The following CTNNA2 variants were observed in gnomAD, a reference collection of about 807,000 sequenced individuals.
CTNNA2 encodes catenin alpha 2, also known as catenin alpha-2.
CTNNA2 carries 42 observed loss-of-function variants against 101.0 expected under a neutral mutation model. The observed-to-expected ratio is 0.42, with a 90% CI of 0.32 to 0.54. The LOEUF is 0.54. CTNNA2 is among the 20% of genes least tolerant of loss of function. CTNNA2 has a pLI of 0.14. For missense variants in CTNNA2, 871 were observed against 1,223.1 expected, an observed-to-expected ratio of 0.71 and a Z score of 4.29; for synonymous variants, 450 against 456.4, an observed-to-expected ratio of 0.99 and a Z score of 0.18.
intron 7 of CTNNA2, among the ~76,000 whole-genome samples, chr2:80,343,612 A>G: frequency 6.6e-6 from 1 of 152,160 alleles, no homozygotes; most frequent in Non-Finnish European, 1.5e-5. Context: ...AATTCAGGAT[A>G]AAGGGCACAA....
chr2:79,835,408 C>T (rs1199377611), intron 3 of CTNNA2, among the ~76,000 whole-genome samples: 1 of 152,080 alleles, frequency 6.6e-6, no homozygotes, highest in Non-Finnish European at 1.5e-5. Context: ...TTTTAGTCAT[C>T]GTTGAGTCTT....
rs766713487 is a variant in CTNNA2, at chr2:80,393,298, T to A, written c.1137+7T>A. ...AAGAGATCTAAGGAGACAGGTACTATTTTTTATTTTTACTTTAAGTCCATG... is the reference window on the plus strand; with the variant it reads ...AAGAGATCTAAGGAGACAGGTACTAATTTTTATTTTTACTTTAAGTCCATG... On this transcript the variant is annotated splice_region_variant and intron_variant, in intron 8 of 18. Transcript: ENST00000402739. 4.4e-6 allele frequency: 7 copies of A among 1,590,838 alleles called. No homozygotes were observed. Among genetic ancestry groups the A allele is most frequent in the Non-Finnish European group, 5.2e-6 (6 of 1,163,954 alleles).
At chr2:80,033,519 G>C (rs1240536945) in intron 7 of CTNNA2, among the ~76,000 whole-genome samples, 4 of 152,096 alleles carry the variant, frequency 2.6e-5, no homozygotes, top group African/African-American at 9.7e-5. Context: ...AGGCTGCAGT[G>C]AGTGACCCGT....
intron 7 of CTNNA2, among the ~76,000 whole-genome samples, chr2:80,176,743 T>G (rs1321075932): frequency 2.6e-5 from 4 of 152,236 alleles, no homozygotes; most frequent in African/African-American, 9.6e-5. Flanking sequence ...TGTGGAGTAG[T>G]AAACTGATTT....
intron 2 of CTNNA2, among the ~76,000 whole-genome samples, chr2:79,242,927 A>G (rs551954171): frequency 1.3e-5 from 2 of 149,912 alleles, no homozygotes; most frequent in Non-Finnish European, 3.0e-5. Context: ...TGATAACATC[A>G]CTGTACTCCA....
intron 3 of CTNNA2, among the ~76,000 whole-genome samples, chr2:79,767,711 T>C (rs1673265322): frequency 6.6e-6 from 1 of 151,918 alleles, no homozygotes; most frequent in African/African-American, 2.4e-5. Flanking sequence ...TGGCCTAGTG[T>C]GTGTCTAGAA....
At chr2:79,877,760 T>C (rs1683136543) in intron 6 of CTNNA2, among the ~76,000 whole-genome samples, 2 of 152,192 alleles carry the variant, frequency 1.3e-5, no homozygotes, top group Non-Finnish European at 2.9e-5. Flanking sequence ...GTTTAACGTC[T>C]TTGAAATGCT....
At chr2:79,234,936 T>C (rs1331230150) in intron 2 of CTNNA2, among the ~76,000 whole-genome samples, 1 of 152,166 alleles carries the variant, frequency 6.6e-6, no homozygotes, top group African/African-American at 2.4e-5. Context: ...CTGGATTGTT[T>C]TACTGGATTC....
intron 3 of CTNNA2, among the ~76,000 whole-genome samples, chr2:79,346,336 A>AT (rs1466225832): frequency 6.6e-6 from 1 of 152,086 alleles, no homozygotes; most frequent in Non-Finnish European, 1.5e-5. Flanking sequence ...CCCTGTTGCT[A>AT]TTTTGTCCTC....
intron 17 of CTNNA2, among the ~76,000 whole-genome samples, chr2:80,613,855 G>C (rs1698648214): frequency 6.6e-6 from 1 of 151,564 alleles, no homozygotes; most frequent in African/African-American, 2.4e-5. Flanking sequence ...GGATTTGATT[G>C]TGTCACCTAA....
intron 4 of CTNNA2, among the ~76,000 whole-genome samples, chr2:79,412,350 A>G (rs1393085368): frequency 4.4e-4 from 66 of 149,262 alleles, no homozygotes; most frequent in Non-Finnish European, 7.6e-4. Flanking sequence ...ACAGAAAGTT[A>G]ACAAGGATAC....
chr2:80,616,523 T>C (rs1698869147), intron 17 of CTNNA2: 1 of 151,710 alleles, frequency 6.6e-6, no homozygotes, highest in South Asian at 2.1e-4. Flanking sequence ...TAAACAACTT[T>C]TTATTAACCT....
At chr2:80,305,290 G>T in intron 7 of CTNNA2, 1 of 985,418 alleles carries the variant, frequency 1.0e-6, no homozygotes, top group Non-Finnish European at 1.2e-6. Flanking sequence ...AGCCATCCAA[G>T]TCCCGGTGGT....
intron 1 of CTNNA2, among the ~76,000 whole-genome samples, chr2:79,635,265 A>G (rs1679947295): frequency 6.6e-6 from 1 of 151,922 alleles, no homozygotes; most frequent in African/African-American, 2.4e-5. Context: ...CCCCGTCTCT[A>G]CTAAAAAATA....
intron 7 of CTNNA2, among the ~76,000 whole-genome samples, chr2:80,252,319 A>T (rs1354554228): frequency 6.6e-6 from 1 of 151,088 alleles, no homozygotes; most frequent in African/African-American, 2.5e-5. Context: ...TAATTTAAAT[A>T]CTTACCCGTT....
intron 3 of CTNNA2, among the ~76,000 whole-genome samples, chr2:79,349,891 C>T (rs928664594): frequency 2.0e-5 from 3 of 151,466 alleles, no homozygotes; most frequent in Non-Finnish European, 2.9e-5. Context: ...GGTCAAGTTA[C>T]GGTGAAACCC....
chr2:79,964,809 T>A (rs551280114), intron 7 of CTNNA2, among the ~76,000 whole-genome samples: 2 of 152,308 alleles, frequency 1.3e-5, no homozygotes, highest in South Asian at 2.1e-4. Flanking sequence ...TTTACCTGAT[T>A]CTTTTCAGAA....
In CTNNA2 at chr2:80,416,006, G is replaced by A. The variant is rs1380106137; in HGVS notation, c.1138-3443G>A. 2.0e-5 allele frequency among the ~76,000 whole-genome samples: 3 copies of A among 152,038 alleles called. No individual in the cohort carries two copies. The East Asian group carries it at 5.8e-4, about 29-fold the overall frequency. Reference sequence around the variant, plus strand: ...AAAAACAAACAAACAAACAAGAGGTGGAACTCACAGAAACAAAAAGTAAGC... The same window carrying A: ...AAAAACAAACAAACAAACAAGAGGTAGAACTCACAGAAACAAAAAGTAAGC... On this transcript the variant is annotated intron_variant, in intron 8 of 18. Transcript: ENST00000402739.
chr2:80,026,836 A>C (rs1694959678), intron 7 of CTNNA2, among the ~76,000 whole-genome samples: 1 of 152,220 alleles, frequency 6.6e-6, no homozygotes, highest in Admixed American at 6.5e-5. Flanking sequence ...AAAAATATAT[A>C]TAATCCCTTA....
Sources: allele counts gnomAD v4.1 joint callset (sites outside exome capture counted in the v4.1 genomes callset), GRCh38; gene constraint gnomAD v4.1.1; transcripts MANE v1.5; gene names NCBI Gene and HGNC (gene_info 2026-07-23, HGNC 2026-07-21).